The following DIMT1 variants were observed in gnomAD, a reference collection of about 807,000 sequenced individuals.
DIMT1 encodes dimethyladenosine transferase.
DIMT1 carries 36 observed loss-of-function variants against 43.2 expected under a neutral mutation model. The ratio of observed to expected loss-of-function variants is 0.83; its 90% CI spans 0.64 to 1.10. The LOEUF (loss-of-function observed/expected upper bound fraction) is 1.10, where lower values mean the gene tolerates loss of function less well. DIMT1 is among the 50% of genes least tolerant of loss of function. The pLI is 0.00. For synonymous variants in DIMT1, 126 were observed against 130.3 expected (o/e 0.97, Z 0.22); for missense variants, 341 against 385.3 (o/e 0.88, Z 0.96).
rs185335393 is a variant in DIMT1, at chr5:62,390,153, C to T, written c.899+723G>A. ...TTATTCAGCCTCTAGAACATGGAAG[C>T]TTTAAAAGTGAATTGGCTAAATAGG... On this transcript the variant is annotated intron_variant, in intron 11 of 11. Transcript: ENST00000199320. Among the ~76,000 whole-genome samples the T allele has an allele frequency of 7.0e-4, 106 of 152,234 alleles. No homozygotes were observed. The South Asian group carries it at 8.5e-3, about 12-fold the overall frequency.
rs1742173313 is a variant in DIMT1, at chr5:62,389,125, C to A, written c.900-73G>T. The A allele has an allele frequency of 3.9e-6, 5 of 1,281,804 alleles. No individual in the cohort carries two copies. In the Admixed American group the frequency reaches 8.6e-5, roughly 22 times the overall value. 79.4% of individuals were successfully genotyped at this position (1,281,804 alleles called of 1,614,324 possible). On this transcript the variant is annotated intron_variant, in intron 11 of 11. Coordinates refer to ENST00000199320, the MANE Select transcript of DIMT1 (RefSeq NM_014473.4). Reference sequence around the variant, plus strand: ...GCACATAACGGTATATAGTTCTATACCATTAATACTAAAACATGAATACAG... The same window carrying A: ...GCACATAACGGTATATAGTTCTATAACATTAATACTAAAACATGAATACAG...
intron 6 of DIMT1, 60 bp downstream of exon 6, chr5:62,398,451 C>T: frequency 1.3e-6 from 2 of 1,560,326 alleles, no homozygotes; most frequent in Admixed American, 1.7e-5. Context: ...TGGCTATGTT[C>T]ACCACCTGAA....
chr5:62,398,453 C>T, intron 6 of DIMT1, 58 bp downstream of exon 6: 3 of 1,572,546 alleles, frequency 1.9e-6, no homozygotes, highest in African/African-American at 1.3e-5. Context: ...GCTATGTTCA[C>T]CACCTGAACT....
In DIMT1 at chr5:62,392,925, C is replaced by T. The variant is rs1742359411; in HGVS notation, c.728+1G>A. On this transcript the variant is annotated splice_donor_variant, in intron 9 of 11. Coordinates refer to ENST00000199320, the MANE Select transcript of DIMT1 (RefSeq NM_014473.4). LOFTEE classifies it high-confidence loss of function. ...ACATTAGAAATTAGTGTAATACTTA[C>T]TTAAATGCAGCAGAGAGTGTCTTGT... 3.1e-6 allele frequency: 5 copies of T among 1,604,006 alleles called. No individual in the cohort carries two copies. Among genetic ancestry groups the T allele is most frequent in the Non-Finnish European group, 4.3e-6 (5 of 1,171,244 alleles).
intron 2 of DIMT1, among the ~76,000 whole-genome samples, chr5:62,402,539 CTG>C (rs1364168749): frequency 6.6e-6 from 1 of 152,218 alleles, no homozygotes; most frequent in African/African-American, 2.4e-5. Flanking sequence ...AGAGCAGAAA[CTG>C]TACACAAAAT....
At chr5:62,392,048 A>C in intron 10 of DIMT1, 123 bp downstream of exon 10, 2 of 1,574,834 alleles carry the variant, frequency 1.3e-6, no homozygotes, top group Non-Finnish European at 1.7e-6. Flanking sequence ...TATACATTAT[A>C]TATTGTCTTT....
chr5:62,398,398 A>T, intron 6 of DIMT1, 113 bp downstream of exon 6: 1 of 1,019,522 alleles, frequency 9.8e-7, no homozygotes, highest in African/African-American at 1.6e-5. Context: ...AACATTTTCT[A>T]CAAAAATTCT....
intron 11 of DIMT1, among the ~76,000 whole-genome samples, chr5:62,390,484 A>C (rs1742250668): frequency 1.3e-5 from 2 of 152,216 alleles, no homozygotes. Context: ...GAAATTTTAA[A>C]AATCAGATCC....
At chr5:62,403,600 G>A in intron 1 of DIMT1, 94 bp downstream of exon 1, 3 of 1,432,792 alleles carry the variant, frequency 2.1e-6, no homozygotes, top group Non-Finnish European at 2.9e-6. Flanking sequence ...GTCCTGACCG[G>A]CCTCTGCCGA....
intron 1 of DIMT1, among the ~76,000 whole-genome samples, 162 bp from the exon 2 acceptor site, chr5:62,403,508 C>G (rs1201455143): frequency 6.6e-6 from 1 of 152,236 alleles, no homozygotes; most frequent in Non-Finnish European, 1.5e-5. Flanking sequence ...CATCCTCCAG[C>G]TGGAAAGGAA....
At chr5:62,401,870 C>G (rs1306197126) in intron 3 of DIMT1, among the ~76,000 whole-genome samples, 166 bp downstream of exon 3, 2 of 152,058 alleles carry the variant, frequency 1.3e-5, no homozygotes, top group African/African-American at 2.4e-5. Context: ...CGTGAGCCAC[C>G]GCGCCTGGCT....
chr5:62,403,736 G>T lies in DIMT1; in HGVS notation c.37C>A (p.Arg13Ser), dbSNP rs748090580. The T allele has an allele frequency of 1.7e-5, 28 of 1,609,518 alleles. No individual in the cohort carries two copies. The highest frequency in any genetic ancestry group is 6.7e-5 in the Admixed American group (4 of 59,804). Reference protein sequence around the residue: ...KVKSGAIGRRRGRQEQRRELK... With the variant: ...KVKSGAIGRRSGRQEQRRELK... Reference sequence around the variant, plus strand: ...TCCCGGCGCTGCTCCTGCCGCCCGCGGCGGCGGCCGATGGCCCCCGACTTG... The same window carrying T: ...TCCCGGCGCTGCTCCTGCCGCCCGCTGCGGCGGCCGATGGCCCCCGACTTG... The change falls in exon 1 of 12, where the codon CGC (arginine) becomes AGC (serine). Residue 13 changes from arginine (R) to serine (S), a missense_variant. Coordinates refer to ENST00000199320, the MANE Select transcript of DIMT1 (RefSeq NM_014473.4).
chr5:62,391,841 A>G, intron 10 of DIMT1: 2 of 1,462,154 alleles, frequency 1.4e-6, no homozygotes, highest in Non-Finnish European at 1.8e-6. Context: ...TAAACTACAC[A>G]ATTATTTTAA....
chr5:62,391,988 G>C, intron 10 of DIMT1, 183 bp downstream of exon 10: 1 of 1,541,442 alleles, frequency 6.5e-7, no homozygotes, highest in Non-Finnish European at 8.7e-7. Flanking sequence ...TGTTTCACAG[G>C]ATACACAGCA....
At chr5:62,390,787 T>G (rs1742273582) in intron 11 of DIMT1, 89 bp downstream of exon 11, 5 of 1,099,540 alleles carry the variant, frequency 4.5e-6, no homozygotes, top group Non-Finnish European at 7.0e-6. Flanking sequence ...AGGTAGCACC[T>G]TATACCGCTT....
At chr5:62,399,766 C>T (rs957857626) in intron 3 of DIMT1, among the ~76,000 whole-genome samples, 3 of 151,154 alleles carry the variant, frequency 2.0e-5, no homozygotes, top group African/African-American at 4.9e-5. Context: ...ATTATCTGGG[C>T]GTGGCGGCAC....
intron 7 of DIMT1, 38 bp downstream of exon 7, chr5:62,394,442 TTCTA>T (rs1427693238): frequency 6.2e-7 from 1 of 1,606,022 alleles, no homozygotes; most frequent in South Asian, 1.1e-5. Context: ...CAGAGTGAGA[TTCTA>T]TCTCAGAAAA....
intron 5 of DIMT1, 38 bp from the exon 6 acceptor site, chr5:62,398,598 C>T (rs751168190): frequency 5.6e-6 from 9 of 1,613,002 alleles, no homozygotes; most frequent in African/African-American, 2.7e-5. Context: ...GGGAAAGACA[C>T]ATCAGAGGAA....
chr5:62,402,188 T>C, intron 2 of DIMT1, 66 bp from the exon 3 acceptor site: 2 of 1,492,662 alleles, frequency 1.3e-6, no homozygotes, highest in Non-Finnish European at 1.9e-6. Context: ...AATTTACACC[T>C]GAACATCTTT....
Sources: gnomAD v4.1 joint callset for allele counts (sites outside exome capture counted in the v4.1 genomes callset) on GRCh38, gnomAD v4.1.1 for gene constraint, MANE v1.5 for transcripts, NCBI Gene and HGNC (gene_info 2026-07-23, HGNC 2026-07-21) for gene names.